The following PTPRM variants were observed in gnomAD, a reference collection of about 807,000 sequenced individuals.
The protein encoded by PTPRM is protein tyrosine phosphatase receptor type M.
PTPRM carries 47 observed loss-of-function variants against 186.7 expected under a neutral mutation model. The observed-to-expected ratio is 0.25, with a 90% CI of 0.20 to 0.32. The LOEUF (loss-of-function observed/expected upper bound fraction) is 0.32, where lower values mean the gene tolerates loss of function less well. Among genes scored for constraint, PTPRM ranks in the 10% least tolerant of loss-of-function variants. The pLI is 1.00. For synonymous variants in PTPRM, 668 were observed against 674.9 expected (o/e 0.99, Z 0.16); for missense variants, 1,494 against 1,865.0 (o/e 0.80, Z 3.66).
chr18:8,217,022 T>C (rs1388035016), intron 14 of PTPRM, among the ~76,000 whole-genome samples: 10 of 152,256 alleles, frequency 6.6e-5, no homozygotes, highest in African/African-American at 2.4e-4. Flanking sequence ...TTAGTCCATT[T>C]TGAAACCCTC....
chr18:8,143,219 G>A (rs2092804335), intron 13 of PTPRM, among the ~76,000 whole-genome samples: 1 of 152,156 alleles, frequency 6.6e-6, no homozygotes, highest in African/African-American at 2.4e-5. Flanking sequence ...AATATGTTAT[G>A]GAATTACTGC....
chr18:7,789,628 T>G (rs1030026488), intron 2 of PTPRM, among the ~76,000 whole-genome samples: 4 of 152,160 alleles, frequency 2.6e-5, no homozygotes, highest in African/African-American at 9.7e-5. Context: ...ACGCTAAGAT[T>G]TGATAGATGT....
intron 1 of PTPRM, among the ~76,000 whole-genome samples, chr18:7,661,004 A>G (rs2038967272): frequency 6.6e-6 from 1 of 152,138 alleles, no homozygotes; most frequent in Admixed American, 6.6e-5. Context: ...AAGAAAAGAA[A>G]GAACATAGCA....
chr18:7,606,278 T>A (rs1480371710), intron 1 of PTPRM, among the ~76,000 whole-genome samples: 1 of 151,958 alleles, frequency 6.6e-6, no homozygotes, highest in Admixed American at 6.6e-5. Context: ...TCTGCACAGG[T>A]CCAGAAAGAA....
At chr18:8,119,091 G>T (rs2145785972) in intron 13 of PTPRM, among the ~76,000 whole-genome samples, 1 of 151,988 alleles carries the variant, frequency 6.6e-6, no homozygotes, top group South Asian at 2.1e-4. Context: ...TATTTTAAGG[G>T]ACTTTTTCAT....
chr18:8,289,563 CATATATATATATACATATATATAT>C (rs1568675114), intron 19 of PTPRM, among the ~76,000 whole-genome samples: 3,736 of 106,210 alleles, frequency 0.035, 518 homozygotes, highest in African/African-American at 0.13. Context: ...TATATATACA[CATATATATATATACATATATATAT>C]ACACATATAT....
intron 7 of PTPRM, among the ~76,000 whole-genome samples, chr18:8,056,394 C>T (rs1408596065): frequency 2.0e-5 from 3 of 152,048 alleles, no homozygotes; most frequent in South Asian, 2.1e-4. Context: ...TTTGGGAGGC[C>T]GAGGCAGGTG....
At chr18:7,573,871 A>G (rs1465770068) in intron 1 of PTPRM, among the ~76,000 whole-genome samples, 6 of 151,924 alleles carry the variant, frequency 3.9e-5, no homozygotes, top group Non-Finnish European at 8.8e-5. Flanking sequence ...GATTACAGGC[A>G]TGAGCCACCA....
intron 22 of PTPRM, among the ~76,000 whole-genome samples, chr18:8,331,876 G>C (rs996981750): frequency 2.0e-5 from 3 of 152,228 alleles, no homozygotes; most frequent in African/African-American, 7.2e-5. Context: ...AAGTCTTGCT[G>C]AAATTGAGCA....
At chr18:7,801,499 G>A (rs571496213) in intron 2 of PTPRM, among the ~76,000 whole-genome samples, 2 of 152,178 alleles carry the variant, frequency 1.3e-5, no homozygotes, top group South Asian at 4.2e-4. Context: ...GACACCTCCC[G>A]ATGGACCTAC....
rs147893287 is a variant in PTPRM at position 7,639,416 on chromosome 18, C to T, written c.73+71525C>T. Among the ~76,000 whole-genome samples, 102 of 142,086 alleles carry T rather than the reference C, an allele frequency of 7.2e-4. No individual in the cohort carries two copies. The East Asian group carries it at 0.02, about 28-fold the overall frequency. 93.2% of individuals were successfully genotyped at this position (142,086 alleles called of 152,430 possible). ...CTTTTTTTTTTTTGAGATGAAGTCTCGCTCTTGTCCACCAGGCTGGAGTGC... is the reference window on the plus strand; with the variant it reads ...CTTTTTTTTTTTTGAGATGAAGTCTTGCTCTTGTCCACCAGGCTGGAGTGC... On this transcript the variant is annotated intron_variant, in intron 1 of 32. Transcript: ENST00000580170.
At chr18:8,165,293 C>T (rs2093305489) in intron 14 of PTPRM, among the ~76,000 whole-genome samples, 1 of 152,168 alleles carries the variant, frequency 6.6e-6, no homozygotes, top group African/African-American at 2.4e-5. Context: ...CATTGGAGCA[C>T]TCAGTGGTAC....
At chr18:8,287,443 A>G (rs2094969077) in intron 19 of PTPRM, among the ~76,000 whole-genome samples, 1 of 152,146 alleles carries the variant, frequency 6.6e-6, no homozygotes, top group Non-Finnish European at 1.5e-5. Context: ...TGGTATGTTT[A>G]TAACAGCTTA....
At chr18:7,704,913 T>C (rs2144734604) in intron 1 of PTPRM, among the ~76,000 whole-genome samples, 1 of 152,276 alleles carries the variant, frequency 6.6e-6, no homozygotes, top group Middle Eastern at 3.4e-3. Context: ...TTATTCAATT[T>C]TTAGAGAAAA....
chr18:8,027,620 C>T (rs140210831), intron 7 of PTPRM, among the ~76,000 whole-genome samples: 8 of 152,240 alleles, frequency 5.3e-5, no homozygotes, highest in Admixed American at 2.0e-4. Flanking sequence ...AGACTTCCCA[C>T]GTGGCAAAAT....
chr18:8,390,494 G>A (rs962658121), intron 31 of PTPRM, among the ~76,000 whole-genome samples: 8 of 152,192 alleles, frequency 5.3e-5, no homozygotes, highest in African/African-American at 1.9e-4. Context: ...GGCAGTGGGA[G>A]GAGACTTTTA....
chr18:8,127,277 G>A (rs1384597692), intron 13 of PTPRM, among the ~76,000 whole-genome samples: 1 of 152,122 alleles, frequency 6.6e-6, no homozygotes, highest in Non-Finnish European at 1.5e-5. Context: ...CACATGCTAG[G>A]GAACTTAAGG....
chr18:7,980,174 C>G (rs1568120076), intron 7 of PTPRM, among the ~76,000 whole-genome samples: 2 of 152,248 alleles, frequency 1.3e-5, no homozygotes, highest in East Asian at 3.9e-4. Flanking sequence ...GGCCAGAAAC[C>G]TGAATTGCCC....
intron 7 of PTPRM, among the ~76,000 whole-genome samples, chr18:7,978,866 T>G (rs2055139816): frequency 6.6e-6 from 1 of 152,162 alleles, no homozygotes; most frequent in South Asian, 2.1e-4. Context: ...ATGATTTTTT[T>G]TTGAAAACTC....
Sources: gnomAD v4.1 joint callset for allele counts (sites outside exome capture counted in the v4.1 genomes callset) on GRCh38, gnomAD v4.1.1 for gene constraint, MANE v1.5 for transcripts, NCBI Gene and HGNC (gene_info 2026-07-23, HGNC 2026-07-21) for gene names.